The following XRN1 variants were observed in gnomAD, a reference collection of about 807,000 sequenced individuals.
XRN1 encodes strand-exchange protein 1 homolog.
A neutral mutation model predicts 222.3 loss-of-function variants in XRN1; 67 were observed. The ratio of observed to expected loss-of-function variants is 0.30; its 90% CI spans 0.25 to 0.37. The LOEUF (loss-of-function observed/expected upper bound fraction) is 0.37, where lower values mean the gene tolerates loss of function less well. Among genes scored for constraint, XRN1 ranks in the 10% least tolerant of loss-of-function variants. The pLI, the probability that XRN1 is intolerant of heterozygous loss-of-function variation, is 1.00. For missense variants in XRN1, 1,707 were observed against 2,000.2 expected, an observed-to-expected ratio of 0.85 and a Z score of 2.80; for synonymous variants, 643 against 652.4, an observed-to-expected ratio of 0.99 and a Z score of 0.22.
intron 27 of XRN1, among the ~76,000 whole-genome samples, chr3:142,367,123 A>G (rs1421037862): frequency 6.6e-6 from 1 of 152,166 alleles, no homozygotes; most frequent in East Asian, 1.9e-4. Flanking sequence ...CCCTGTCTCT[A>G]CTAAAAATAC....
chr3:142,309,670 C>T lies in XRN1; in HGVS notation c.*1841G>A, dbSNP rs1329927784. ...GATGGCAGGTGCCGCTTCTTCTATG[C>T]TCTAAAACAGATGTGAGCTGCATGC... is the stretch of plus-strand genomic sequence containing the variant. On this transcript the variant is annotated 3_prime_UTR_variant, in exon 41 of 41. Transcript: ENST00000392981. 1 of 152,218 alleles carries T rather than the reference C, an allele frequency of 6.6e-6. No individual in the cohort carries two copies. The highest frequency in any genetic ancestry group is 1.5e-5 in the Non-Finnish European group (1 of 68,052). The allele number at this position is 152,218 out of a possible 1,614,324, so 9.4% of individuals were successfully genotyped here.
intron 1 of XRN1, among the ~76,000 whole-genome samples, chr3:142,438,427 A>G (rs1275324593): frequency 6.6e-6 from 1 of 152,178 alleles, no homozygotes; most frequent in Non-Finnish European, 1.5e-5. Flanking sequence ...CGGTAAGCGT[A>G]ACTAATCCGA....
At chr3:142,393,876 G>T (rs1484401043) in intron 20 of XRN1, among the ~76,000 whole-genome samples, 1 of 151,582 alleles carries the variant, frequency 6.6e-6, no homozygotes, top group African/African-American at 2.4e-5. Flanking sequence ...GCCCAGGCTG[G>T]AGTGCAGTGG....
intron 39 of XRN1, among the ~76,000 whole-genome samples, chr3:142,313,430 G>T (rs1035683262): frequency 6.6e-6 from 1 of 152,156 alleles, no homozygotes; most frequent in Non-Finnish European, 1.5e-5. Context: ...CCTGGAGTTT[G>T]TATTAAGCTC....
intron 3 of XRN1, 68 bp from the exon 4 acceptor site, chr3:142,425,606 A>G: frequency 7.6e-7 from 1 of 1,309,736 alleles, no homozygotes; most frequent in Non-Finnish European, 1.1e-6. Context: ...CAGTGACAAC[A>G]CATAACTGAA....
At chr3:142,441,409 C>A (rs1319045520) in intron 1 of XRN1, among the ~76,000 whole-genome samples, 3 of 152,200 alleles carry the variant, frequency 2.0e-5, no homozygotes, top group Non-Finnish European at 2.9e-5. Flanking sequence ...GTTAAGCTTG[C>A]CAATAGGGCA....
At chr3:142,403,247 A>AG (rs1436195614) in intron 18 of XRN1, among the ~76,000 whole-genome samples, 2 of 152,200 alleles carry the variant, frequency 1.3e-5, no homozygotes, top group Non-Finnish European at 2.9e-5. Flanking sequence ...GAAAAGACTA[A>AG]GTGTTAAGAA....
Position 142,315,333 on chromosome 3 carries a change from G to A in XRN1, c.4622-2575C>T, listed in dbSNP as rs1299191489. 2.6e-5 allele frequency among the ~76,000 whole-genome samples: 4 copies of A among 151,642 alleles called. No individual in the cohort carries two copies. The East Asian group carries it at 5.8e-4, about 22-fold the overall frequency. ...TTTTGGTTTGGTTTGGGCCTTTGGG[G>A]GTTTTCTTGAGATAGGCCTTCCAAA... is the stretch of plus-strand genomic sequence containing the variant. On this transcript the variant is annotated intron_variant, in intron 39 of 40. Coordinates refer to ENST00000392981, the MANE Select transcript of XRN1 (RefSeq NM_001282857.2).
chr3:142,360,658 A>C (rs1423669393), intron 29 of XRN1, among the ~76,000 whole-genome samples: 1 of 151,830 alleles, frequency 6.6e-6, no homozygotes, highest in African/African-American at 2.4e-5. Flanking sequence ...AGGTCAGGAG[A>C]TCAAGACCAT....
intron 34 of XRN1, among the ~76,000 whole-genome samples, chr3:142,334,261 G>A (rs933919599): frequency 6.6e-6 from 1 of 152,014 alleles, no homozygotes; most frequent in Non-Finnish European, 1.5e-5. Context: ...TAAAAGTCAA[G>A]TAATTAAACC....
In XRN1 at chr3:142,432,677, G is replaced by A. The variant is rs765960676; in HGVS notation, c.292C>T (p.Arg98Cys). The stretch of plus-strand genomic sequence containing the variant: ...ATGTTTTACCTAAAACGCCTCCCAC[G>A]CTGCTGGTTCATTTTTGCTCGAGGA... ...VAPRAKMNQQ[R>C]GRRFRSAKEA... Residue 98 changes from arginine to cysteine, a missense_variant, in exon 2 of 41, where the codon CGT becomes TGT. Transcript: ENST00000392981. The A allele has an allele frequency of 1.2e-6, 2 of 1,602,482 alleles. No homozygotes were observed. The highest frequency in any genetic ancestry group is 1.1e-5 in the South Asian group (1 of 89,058).
intron 29 of XRN1, among the ~76,000 whole-genome samples, chr3:142,363,958 T>C (rs568695296): frequency 2.6e-5 from 4 of 152,302 alleles, no homozygotes; most frequent in African/African-American, 9.6e-5. Context: ...TTCTTTTAGT[T>C]ATGTGGGCAG....
chr3:142,384,620 G>C lies in XRN1; in HGVS notation c.2405C>G (p.Thr802Arg), dbSNP rs1486637468. ...TTGATTTATTTGATATTTACGACCT[G>C]TGAGTAACTGAGCATACACAACTGC... is the stretch of plus-strand genomic sequence containing the variant. Reference protein sequence around the residue: ...TSAVVYAQLLTGRKYQINQNG... With the variant: ...TSAVVYAQLLRGRKYQINQNG... The change falls in exon 21 of 41, where the codon ACA becomes AGA. Residue 802 changes from threonine to arginine, a missense_variant. By Grantham distance (71) the Thr-to-Arg change is moderately conservative. This residue lies in a region of XRN1 where 1,234 missense variants were observed against 1,518.2 expected (regional missense o/e 0.81). Coordinates refer to ENST00000392981, the MANE Select transcript of XRN1 (RefSeq NM_001282857.2). 4 of 1,612,026 alleles carry C rather than the reference G, an allele frequency of 2.5e-6. No individual in the cohort carries two copies. Among genetic ancestry groups the C allele is most frequent in the Non-Finnish European group, 3.4e-6 (4 of 1,179,104 alleles).
chr3:142,397,519 AGC>A, intron 19 of XRN1, 59 bp from the exon 20 acceptor site: 1 of 1,358,644 alleles, frequency 7.4e-7, no homozygotes, highest in Non-Finnish European at 9.7e-7. Context: ...ATAGAGTTCT[AGC>A]AGTGTGAGTC....
At chr3:142,395,395 G>A (rs1296041680) in intron 20 of XRN1, among the ~76,000 whole-genome samples, 1 of 152,194 alleles carries the variant, frequency 6.6e-6, no homozygotes. Flanking sequence ...TGAATTGGCA[G>A]GCACTAGAAA....
chr3:142,319,931 C>T (rs573662950), intron 37 of XRN1, among the ~76,000 whole-genome samples: 11 of 152,012 alleles, frequency 7.2e-5, no homozygotes, highest in East Asian at 5.8e-4. Flanking sequence ...CACACACACA[C>T]GCACGCACAC....
rs997337060 is a variant in XRN1, at chr3:142,311,325, G to C, written c.*186C>G. 41 of 488,656 alleles carry C rather than the reference G, an allele frequency of 8.4e-5. No individual in the cohort carries two copies. Among genetic ancestry groups the C allele is most frequent in the Middle Eastern group, 1.1e-3 (2 of 1,744 alleles). The allele number at this position is 488,656 out of a possible 1,614,324, so 30.3% of individuals were successfully genotyped here. On this transcript the variant is annotated 3_prime_UTR_variant, in exon 41 of 41. Transcript: ENST00000392981. ...ATACAACAAACTGCACATACTTAAA[G>C]TGCACAATTTGATACACAGTCTTTT...
At chr3:142,349,286 GA>G (rs1313282071) in intron 32 of XRN1, among the ~76,000 whole-genome samples, 2 of 152,040 alleles carry the variant, frequency 1.3e-5, no homozygotes, top group African/African-American at 4.8e-5. Context: ...AAAATGGCAT[GA>G]GATTTCTATC....
intron 16 of XRN1, among the ~76,000 whole-genome samples, chr3:142,404,553 T>G (rs986818899): frequency 6.6e-6 from 1 of 152,102 alleles, no homozygotes; most frequent in South Asian, 2.1e-4. Flanking sequence ...TCACAGCGTA[T>G]CAAATAATGC....
Sources: gnomAD v4.1 joint callset for allele counts (sites outside exome capture counted in the v4.1 genomes callset) on GRCh38, gnomAD v4.1.1 for gene constraint, gnomAD v4.1.1 regional missense constraint, MANE v1.5 for transcripts, NCBI Gene and HGNC (gene_info 2026-07-23, HGNC 2026-07-21) for gene names.